Variants in DNHD1 observed in about 807,000 individuals in gnomAD.
DNHD1 encodes the protein dynein heavy chain domain-containing protein 1.
Under a neutral mutation model 458.1 loss-of-function variants are expected in DNHD1, and 383 were observed. That is an observed-to-expected ratio of 0.84 (90% confidence interval 0.77 to 0.91). DNHD1 has a LOEUF of 0.91. Among genes scored for constraint, DNHD1 ranks in the 40% least tolerant of loss-of-function variants. The pLI is 0.00. For synonymous variants in DNHD1, 2,203 were observed against 2,376.9 expected (o/e 0.93, Z 2.13); for missense variants, 5,336 against 5,866.1 (o/e 0.91, Z 2.95).
At position 6,548,407 on chromosome 11, in the gene DNHD1, G is replaced by A; in HGVS notation, c.7098+5G>A. On this transcript the variant is annotated splice_donor_5th_base_variant and intron_variant, in intron 23 of 42. Transcript: ENST00000254579. The surrounding 1 kb of genome is among the most constrained non-coding windows in gnomAD (Gnocchi z 4.4). The stretch of plus-strand genomic sequence containing the variant: ...ACCTTTCACCCTTCTATCCAGGTGT[G>A]AGGACAGTAAGGCAAGAGCTGGGGT... 1.3e-6 allele frequency: 2 copies of A among 1,551,456 alleles called. No homozygotes were observed. Among genetic ancestry groups the A allele is most frequent in the Non-Finnish European group, 1.7e-6 (2 of 1,146,824 alleles).
At chr11:6,518,729 A>C (rs2134392371) in intron 7 of DNHD1, among the ~76,000 whole-genome samples, 1 of 152,330 alleles carries the variant, frequency 6.6e-6, no homozygotes, top group Non-Finnish European at 1.5e-5. Context: ...TTGTTAGAAC[A>C]TGGAAGAAAA....
At chr11:6,509,359 A>C in intron 6 of DNHD1, 87 bp downstream of exon 6, 2 of 1,228,518 alleles carry the variant, frequency 1.6e-6, no homozygotes, top group Non-Finnish European at 2.3e-6. Context: ...AAAATCTGAA[A>C]GATACAAAAA....
At chr11:6,538,936 C>T (rs1289204918) in intron 16 of DNHD1, 126 bp downstream of exon 16, 3 of 1,073,264 alleles carry the variant, frequency 2.8e-6, no homozygotes, top group Non-Finnish European at 3.9e-6. Context: ...CCTACCTTTC[C>T]CACATATTTC....
Position 6,498,737 on chromosome 11 carries a change from G to A in DNHD1, c.522G>A (p.Arg174=). 2 of 1,614,166 alleles carry A rather than the reference G, an allele frequency of 1.2e-6. No individual in the cohort carries two copies. The highest frequency in any genetic ancestry group is 1.7e-6 in the Non-Finnish European group (2 of 1,180,006). The change falls in exon 3 of 43, where the codon AGG becomes AGA. Residue 174 remains arginine, a synonymous_variant. Coordinates refer to ENST00000254579, the MANE Select transcript of DNHD1 (RefSeq NM_144666.3). ...CTTTTGTGCAGGCCCAGTGGAGCAG[G>A]CAGCAAGTAAAGGAGGAGCTGGCCA... ...ACPFVQAQWS[R]QQVKEELATW... is the part of the protein sequence containing the mutation.
In DNHD1 at chr11:6,529,164, A is replaced by G. The variant is rs1457775577; in HGVS notation, c.2347+43A>G. 7.1e-6 allele frequency: 11 copies of G among 1,544,740 alleles called. No homozygotes were observed. The Admixed American group carries it at 9.8e-5, about 14-fold the overall frequency. ...TCCCTCTCCTCCTTCCCTTTTCTGT[A>G]TGTCTATTCACATGGCCTGCCTTGG... On this transcript the variant is annotated intron_variant, in intron 12 of 42. Coordinates refer to ENST00000254579, the MANE Select transcript of DNHD1 (RefSeq NM_144666.3).
At chr11:6,520,979 G>T (rs561370390) in intron 10 of DNHD1, 1 of 636,634 alleles carries the variant, frequency 1.6e-6, no homozygotes, top group African/African-American at 2.0e-5. Context: ...GAGCAAAAAG[G>T]TTCACTGAAA....
chr11:6,504,789 A>T (rs1852197846), intron 4 of DNHD1, among the ~76,000 whole-genome samples: 1 of 151,890 alleles, frequency 6.6e-6, no homozygotes. Context: ...TAACCCTGAG[A>T]GATACCAACA....
intron 4 of DNHD1, among the ~76,000 whole-genome samples, chr11:6,506,860 C>T (rs1232025175): frequency 6.6e-6 from 1 of 152,138 alleles, no homozygotes. Flanking sequence ...AATGATGTAT[C>T]CTCAGGGCTT....
At chr11:6,569,006 C>G (rs1157516686) in intron 39 of DNHD1, 140 bp downstream of exon 39, 8 of 1,073,312 alleles carry the variant, frequency 7.5e-6, no homozygotes, top group Non-Finnish European at 1.0e-5. Context: ...GAAGGCTTCT[C>G]CAAAGACTTT....
At position 6,498,132 on chromosome 11, in the gene DNHD1, C is replaced by G; in HGVS notation, c.-84C>G. 2 of 1,552,320 alleles carry G rather than the reference C, an allele frequency of 1.3e-6. No individual in the cohort carries two copies. Among genetic ancestry groups the G allele is most frequent in the Non-Finnish European group, 1.7e-6 (2 of 1,146,938 alleles). On this transcript the variant is annotated 5_prime_UTR_variant, in exon 3 of 43. Coordinates refer to ENST00000254579, the MANE Select transcript of DNHD1 (RefSeq NM_144666.3). ...TGGGCTGGCCCATGCAGGTGAGGCCCCGCATCTGGCATCCTGGAACTGGCA... is the reference window on the plus strand; with the variant it reads ...TGGGCTGGCCCATGCAGGTGAGGCCGCGCATCTGGCATCCTGGAACTGGCA...
chr11:6,565,655 C>G, intron 32 of DNHD1, 40 bp from the exon 33 acceptor site: 1 of 1,497,252 alleles, frequency 6.7e-7, no homozygotes, highest in South Asian at 1.4e-5. Flanking sequence ...GAGTCTGATT[C>G]CTCCCCTAAG....
At chr11:6,506,690 C>G (rs1448146866) in intron 4 of DNHD1, among the ~76,000 whole-genome samples, 1 of 152,142 alleles carries the variant, frequency 6.6e-6, no homozygotes, top group African/African-American at 2.4e-5. Context: ...GTCACTCCCC[C>G]ACCCTTACCA....
In DNHD1 at chr11:6,571,692, A is replaced by G. The variant is rs1853855774; in HGVS notation, c.13968A>G (p.Leu4656=). ...VPERGLLLIG[L]QVLHAEWDPI... Reference sequence around the variant, plus strand: ...AGAGAGGGCTGCTGCTGATCGGGCTACAGGTCCTACATGCGGAGTGGGACC... The same window carrying G: ...AGAGAGGGCTGCTGCTGATCGGGCTGCAGGTCCTACATGCGGAGTGGGACC... Residue 4656 remains leucine, a synonymous_variant, in exon 43 of 43, where the codon CTA becomes CTG. Coordinates refer to ENST00000254579, the MANE Select transcript of DNHD1 (RefSeq NM_144666.3). This position sits in a 1 kb window ranked among gnomAD's most constrained non-coding sequence, Gnocchi z 5.0. 1.2e-6 allele frequency: 2 copies of G among 1,611,690 alleles called. No homozygotes were observed. Among genetic ancestry groups the G allele is most frequent in the Non-Finnish European group, 1.7e-6 (2 of 1,178,914 alleles).
chr11:6,523,707 C>G (rs904804769), intron 10 of DNHD1, among the ~76,000 whole-genome samples: 2 of 152,112 alleles, frequency 1.3e-5, no homozygotes, highest in African/African-American at 2.4e-5. Context: ...CTTCTTATGG[C>G]CAGGCACAGT....
Position 6,558,125 on chromosome 11 carries a change from T to C in DNHD1, c.8830T>C (p.Leu2944=), listed in dbSNP as rs991901505. 1 of 1,551,688 alleles carries C rather than the reference T, an allele frequency of 6.4e-7. No homozygotes were observed. Among genetic ancestry groups the C allele is most frequent in the Non-Finnish European group, 8.7e-7 (1 of 1,146,982 alleles). The change falls in exon 25 of 43, where the codon TTG becomes CTG. Residue 2944 remains leucine, a synonymous_variant. Coordinates refer to ENST00000254579, the MANE Select transcript of DNHD1 (RefSeq NM_144666.3). The part of the protein sequence containing the change: ...AGMLSQPVAL[L]VPSGVDLTTL... Reference sequence around the variant, plus strand: ...CATGTTAAGCCAGCCAGTGGCTCTGTTGGTACCCAGTGGTGTGGATCTCAC... The same window carrying C: ...CATGTTAAGCCAGCCAGTGGCTCTGCTGGTACCCAGTGGTGTGGATCTCAC...
intron 19 of DNHD1, 105 bp downstream of exon 19, chr11:6,544,351 C>T: frequency 9.0e-6 from 12 of 1,336,512 alleles, no homozygotes; most frequent in Non-Finnish European, 1.2e-5. Context: ...ATATGAAGAA[C>T]ACAGTGAGGA....
In DNHD1 at chr11:6,547,461, A is replaced by G; in HGVS notation, c.6522A>G (p.Thr2174=). 1 of 1,551,252 alleles carries G rather than the reference A, an allele frequency of 6.4e-7. No individual in the cohort carries two copies. The highest frequency in any genetic ancestry group is 8.7e-7 in the Non-Finnish European group (1 of 1,146,574). The change falls in exon 21 of 43, where the codon ACA becomes ACG. Residue 2174 remains threonine (T), a synonymous_variant. Coordinates refer to ENST00000254579, the MANE Select transcript of DNHD1 (RefSeq NM_144666.3). ...LPYEYRLQHR[T]VAELNHMAEV... is the part of the protein sequence containing the mutation. ...ATGAGTACCGCCTGCAGCACCGGAC[A>G]GTCGCTGAGCTCAACCACATGGCTG...
intron 18 of DNHD1, among the ~76,000 whole-genome samples, chr11:6,541,761 G>GGA (rs757308343): frequency 4.6e-5 from 7 of 152,172 alleles, no homozygotes; most frequent in Non-Finnish European, 8.8e-5. Context: ...GTTTCAATGT[G>GGA]GAGAATGGAT....
At chr11:6,497,712 A>C in intron 2 of DNHD1, 45 bp downstream of exon 2, 1 of 159,154 alleles carries the variant, frequency 6.3e-6, no homozygotes, top group Non-Finnish European at 1.4e-5. Context: ...ATGGGTGGCT[A>C]TGATTAGGGT....
Sources: gnomAD v4.1 joint callset for allele counts (sites outside exome capture counted in the v4.1 genomes callset) on GRCh38, gnomAD v4.1.1 for gene constraint, Gnocchi (gnomAD v3.1) non-coding constraint, MANE v1.5 for transcripts, NCBI Gene and HGNC (gene_info 2026-07-23, HGNC 2026-07-21) for gene names.